MCPH1: variants seen among roughly 807,000 people sequenced by gnomAD.
MCPH1 encodes the protein microcephalin.
In MCPH1, 104 loss-of-function variants were observed where a neutral mutation model predicts 84.5. The ratio of observed to expected loss-of-function variants is 1.23; its 90% confidence interval spans 1.05 to 1.45. The LOEUF (loss-of-function observed/expected upper bound fraction) is 1.45, where lower values mean the gene tolerates loss of function less well. MCPH1 is among the 40% of genes most tolerant of loss of function. The pLI, the probability that MCPH1 is intolerant of heterozygous loss-of-function variation, is 0.00. For missense variants in MCPH1, 1,498 were observed against 1,005.7 expected, an observed-to-expected ratio of 1.49 and a Z score of -6.62; for synonymous variants, 514 against 366.8, an observed-to-expected ratio of 1.40 and a Z score of -4.58.
chr8:6,444,287 T>A lies in MCPH1; in HGVS notation c.671-106T>A, dbSNP rs1803932829. On this transcript the variant is annotated intron_variant, in intron 7 of 13. Coordinates refer to ENST00000344683, the MANE Select transcript of MCPH1 (RefSeq NM_024596.5). ...ACTCAAGTGTGGTTAATAGTCTTCT[T>A]AACTAATAGCTGTACTTTAAAAGTT... 3.0e-6 allele frequency: 4 copies of A among 1,314,700 alleles called. No homozygotes were observed. In the Admixed American group the frequency reaches 7.9e-5, roughly 26 times the overall value. 81.4% of individuals were successfully genotyped at this position (1,314,700 alleles called of 1,614,324 possible). A position where few individuals can be genotyped will look rare whatever the true frequency, so the allele number is the denominator to read the frequency against.
chr8:6,499,817 A>T, intron 11 of MCPH1, 35 bp from the exon 12 acceptor site: 1 of 1,594,156 alleles, frequency 6.3e-7, no homozygotes, highest in Non-Finnish European at 8.6e-7. Context: ...AGGCTAATAA[A>T]TGTATAATAA....
chr8:6,468,468 G>A (rs575122590), intron 9 of MCPH1, among the ~76,000 whole-genome samples: 1 of 152,242 alleles, frequency 6.6e-6, no homozygotes, highest in East Asian at 1.9e-4. Context: ...TAACATTGGG[G>A]CTCCCCAGCG....
chr8:6,523,777 C>T lies in MCPH1; in HGVS notation c.2214+23848C>T, dbSNP rs183559000. The stretch of plus-strand genomic sequence containing the variant: ...TAATTTTTTGTATTTTTAGTAGAGA[C>T]GTGGTTTCATTATGTTGTCCAGGCT... On this transcript the variant is annotated intron_variant, in intron 12 of 13. Coordinates refer to ENST00000344683, the MANE Select transcript of MCPH1 (RefSeq NM_024596.5). Among the ~76,000 whole-genome samples, 307 of 152,042 alleles carry T rather than the reference C, an allele frequency of 2.0e-3. 8 individuals carry two copies. In the South Asian group the frequency reaches 0.04, roughly 20 times the overall value.
chr8:6,594,913 C>G (rs1032501879), intron 12 of MCPH1, among the ~76,000 whole-genome samples: 2 of 152,224 alleles, frequency 1.3e-5, no homozygotes, highest in Non-Finnish European at 2.9e-5. Flanking sequence ...AGCTCCTTCT[C>G]TTCAGGGGCT....
chr8:6,574,852 G>A (rs989704214), intron 12 of MCPH1, among the ~76,000 whole-genome samples: 4 of 152,196 alleles, frequency 2.6e-5, no homozygotes, highest in South Asian at 2.1e-4. Context: ...GAACAGGGCA[G>A]GCAATATCCA....
intron 11 of MCPH1, among the ~76,000 whole-genome samples, chr8:6,485,455 C>T (rs557229948): frequency 9.2e-5 from 14 of 152,200 alleles, no homozygotes; most frequent in African/African-American, 3.1e-4. Context: ...TTACAGGCTC[C>T]TGTACCTTCA....
intron 12 of MCPH1, among the ~76,000 whole-genome samples, chr8:6,518,316 C>T (rs1396538888): frequency 6.6e-6 from 1 of 152,188 alleles, no homozygotes; most frequent in Admixed American, 6.5e-5. Context: ...TCATGAAAAC[C>T]AGATAGCAAA....
At chr8:6,505,272 G>GT in intron 12 of MCPH1, among the ~76,000 whole-genome samples, 1 of 21,986 alleles carries the variant, frequency 4.5e-5, no homozygotes, top group Admixed American at 5.3e-4. Flanking sequence ...TTATATATAT[G>GT]TATACATATA....
rs138785373 is a variant in MCPH1, at chr8:6,443,150, C to T, written c.670+994C>T. ...AGGTTCCATCACCATCCCATTTTGCCAGTGAAAAACCAGGACACAGAGGTC... is the reference window on the plus strand; with the variant it reads ...AGGTTCCATCACCATCCCATTTTGCTAGTGAAAAACCAGGACACAGAGGTC... On this transcript the variant is annotated intron_variant, in intron 7 of 13. Coordinates refer to ENST00000344683, the MANE Select transcript of MCPH1 (RefSeq NM_024596.5). Among the ~76,000 whole-genome samples, 5 of 152,246 alleles carry T rather than the reference C, an allele frequency of 3.3e-5. No homozygotes were observed. In the East Asian group the frequency reaches 9.6e-4, roughly 29 times the overall value.
Position 6,416,936 on chromosome 8 carries a change from G to C in MCPH1, c.233+2053G>C, listed in dbSNP as rs147266380. On this transcript the variant is annotated intron_variant, in intron 3 of 13. Transcript: ENST00000344683. ...TTGAACCTGGGAGACGGAGGTTGCA[G>C]TGAACCAAGACCACGCCATTGCACT... 2.8e-4 allele frequency among the ~76,000 whole-genome samples: 43 copies of C among 151,982 alleles called. 1 individual carries two copies. Among genetic ancestry groups the C allele is most frequent in the African/African-American group, 9.9e-4 (41 of 41,476 alleles).
intron 9 of MCPH1, among the ~76,000 whole-genome samples, chr8:6,466,211 A>G (rs934291421): frequency 7.2e-5 from 10 of 139,590 alleles, no homozygotes; most frequent in Non-Finnish European, 1.5e-4. Flanking sequence ...ATCTTTGCTC[A>G]TTGCAACCTC....
chr8:6,431,262 T>C (rs1801793223), intron 3 of MCPH1, among the ~76,000 whole-genome samples: 2 of 152,320 alleles, frequency 1.3e-5, no homozygotes, highest in South Asian at 4.1e-4. Flanking sequence ...TGTGTAAAAA[T>C]TGTACTTCCT....
intron 12 of MCPH1, among the ~76,000 whole-genome samples, chr8:6,551,896 T>C (rs1053483936): frequency 2.0e-5 from 3 of 152,238 alleles, no homozygotes; most frequent in Non-Finnish European, 4.4e-5. Flanking sequence ...AGGGAATTTT[T>C]AAGCTACATC....
At chr8:6,454,198 A>G (rs1165523721) in intron 8 of MCPH1, among the ~76,000 whole-genome samples, 1 of 152,066 alleles carries the variant, frequency 6.6e-6, no homozygotes, top group Admixed American at 6.6e-5. Context: ...CTGCATCTAC[A>G]TTGTCTATTG....
intron 11 of MCPH1, among the ~76,000 whole-genome samples, chr8:6,486,986 C>T (rs954245729): frequency 6.6e-6 from 1 of 152,168 alleles, no homozygotes; most frequent in African/African-American, 2.4e-5. Context: ...AACATACAAG[C>T]AGAGTGTCCT....
At chr8:6,441,724 G>A (rs547157305) in intron 6 of MCPH1, among the ~76,000 whole-genome samples, 13 of 152,260 alleles carry the variant, frequency 8.5e-5, no homozygotes, top group African/African-American at 2.6e-4. Flanking sequence ...CCTCACTGGC[G>A]ATATCCAAAA....
intron 3 of MCPH1, among the ~76,000 whole-genome samples, chr8:6,426,505 G>A (rs764280842): frequency 6.6e-6 from 1 of 152,226 alleles, no homozygotes; most frequent in Non-Finnish European, 1.5e-5. Flanking sequence ...TGTCCGTGTT[G>A]TTTGTAGCAG....
chr8:6,424,673 A>T (rs1800794823), intron 3 of MCPH1, among the ~76,000 whole-genome samples: 3 of 152,186 alleles, frequency 2.0e-5, no homozygotes, highest in Admixed American at 1.3e-4. Flanking sequence ...GTAACAGTGG[A>T]TGTGTAGCCA....
intron 12 of MCPH1, chr8:6,502,881 C>G (rs953556067): frequency 1.1e-5 from 6 of 539,226 alleles, no homozygotes; most frequent in Non-Finnish European, 2.0e-5. Flanking sequence ...TCTGTCTAAT[C>G]ACAATTATGG....
Sources: gnomAD v4.1 joint callset for allele counts (sites outside exome capture counted in the v4.1 genomes callset) on GRCh38, gnomAD v4.1.1 for gene constraint, MANE v1.5 for transcripts, NCBI Gene and HGNC (gene_info 2026-07-23, HGNC 2026-07-21) for gene names.